ABCA12: variants seen among roughly 807,000 people sequenced by gnomAD.
The protein encoded by ABCA12 is glucosylceramide transporter ABCA12.
Under a neutral mutation model 293.5 loss-of-function variants are expected in ABCA12, and 156 were observed. The observed-to-expected ratio is 0.53, with a 90% CI of 0.47 to 0.61. The LOEUF (loss-of-function observed/expected upper bound fraction) is 0.61, where lower values mean the gene tolerates loss of function less well. ABCA12 is among the 20% of genes least tolerant of loss of function. ABCA12 has a pLI of 0.00. For missense variants in ABCA12, 2,797 were observed against 3,090.2 expected (o/e 0.91, Z 2.25); for synonymous variants, 1,063 against 1,108.0 (o/e 0.96, Z 0.81).
rs141750072 is a variant in ABCA12, at chr2:215,010,222, A to G, written c.2472+109T>C. On this transcript the variant is annotated intron_variant, in intron 18 of 52. Transcript: ENST00000272895. ...TTTCAGAAAGCCAAGGATAATAATA[A>G]TAGTAGGTAAGATAGAAAGAAATCA... is the stretch of plus-strand genomic sequence containing the variant. 8.0e-4 allele frequency: 1,062 copies of G among 1,330,716 alleles called. 5 individuals carry two copies. The African/African-American group carries it at 0.013, about 17-fold the overall frequency. The allele number at this position is 1,330,716 out of a possible 1,614,324, so 82.4% of individuals were successfully genotyped here.
intron 21 of ABCA12, 110 bp downstream of exon 21, chr2:215,001,448 C>T (rs1458228895): frequency 3.0e-6 from 4 of 1,351,932 alleles, no homozygotes; most frequent in Admixed American, 1.7e-5. Flanking sequence ...CATCAGAGGA[C>T]CTAAGGACCC....
intron 7 of ABCA12, among the ~76,000 whole-genome samples, chr2:215,039,588 T>G (rs1701056060): frequency 6.6e-6 from 1 of 152,144 alleles, no homozygotes; most frequent in South Asian, 2.1e-4. Context: ...ACACCGTCTC[T>G]ACTAAAAATA....
chr2:215,111,764 G>T, intron 1 of ABCA12, 74 bp from the exon 2 acceptor site: 1 of 1,041,618 alleles, frequency 9.6e-7, no homozygotes, highest in Non-Finnish European at 1.5e-6. Context: ...ACTACAAAAA[G>T]TATGTCATAC....
intron 1 of ABCA12, among the ~76,000 whole-genome samples, chr2:215,115,691 A>G (rs1409434815): frequency 3.9e-5 from 6 of 152,026 alleles, no homozygotes; most frequent in Non-Finnish European, 8.8e-5. Flanking sequence ...TTTCTCCAGG[A>G]TTTATTTTCT....
chr2:214,972,376 A>G (rs1386958816), intron 36 of ABCA12, among the ~76,000 whole-genome samples: 1 of 152,136 alleles, frequency 6.6e-6, no homozygotes, highest in Admixed American at 6.6e-5. Flanking sequence ...AATTGGTTGG[A>G]AAAAATTGAA....
chr2:215,078,189 T>C (rs1009997984), intron 2 of ABCA12, among the ~76,000 whole-genome samples: 2 of 152,204 alleles, frequency 1.3e-5, no homozygotes, highest in Non-Finnish European at 2.9e-5. Context: ...TAATAGTAAA[T>C]GATACCGCTT....
rs187548334 is a variant in ABCA12 at position 215,000,572 on chromosome 2, T to C, written c.3179+133A>G. 81 of 997,822 alleles carry C rather than the reference T, an allele frequency of 8.1e-5. No homozygotes were observed. In the African/African-American group the frequency reaches 1.2e-3, roughly 15 times the overall value. The allele number at this position is 997,822 out of a possible 1,614,324, so 61.8% of individuals were successfully genotyped here. ...AGCTATGCCCTATAGTGTGAACTCT[T>C]TCTCAAAACAAGCATATTACAAAAG... On this transcript the variant is annotated intron_variant, in intron 22 of 52. Coordinates refer to ENST00000272895, the MANE Select transcript of ABCA12 (RefSeq NM_173076.3).
Position 215,007,632 on chromosome 2 carries a change from G to A in ABCA12, c.2592+95C>T, listed in dbSNP as rs886667588. 12 of 1,490,262 alleles carry A rather than the reference G, an allele frequency of 8.1e-6. No individual in the cohort carries two copies. In the African/African-American group the frequency reaches 8.3e-5, roughly 10 times the overall value. The allele number at this position is 1,490,262 out of a possible 1,614,324, so 92.3% of individuals were successfully genotyped here. On this transcript the variant is annotated intron_variant, in intron 19 of 52. Transcript: ENST00000272895. ...AGAGGCAATTTAATCTGTTGAATAC[G>A]GAAAGTTACCCCCTTCCCGTTCACA...
intron 3 of ABCA12, among the ~76,000 whole-genome samples, chr2:215,057,776 A>G (rs1051747479): frequency 2.6e-5 from 4 of 152,044 alleles, no homozygotes; most frequent in African/African-American, 9.7e-5. Flanking sequence ...ACTTACCACT[A>G]AAGCAACTTT....
chr2:215,070,278 A>G (rs1315984556), intron 2 of ABCA12, among the ~76,000 whole-genome samples: 1 of 152,190 alleles, frequency 6.6e-6, no homozygotes, highest in Non-Finnish European at 1.5e-5. Context: ...TCCATTCGCC[A>G]TCTATTCAAT....
chr2:214,969,771 T>G (rs1699345433), intron 37 of ABCA12, among the ~76,000 whole-genome samples: 1 of 152,024 alleles, frequency 6.6e-6, no homozygotes, highest in Non-Finnish European at 1.5e-5. Flanking sequence ...AGGGAAGAGA[T>G]GGAGGAAAGA....
At position 215,049,609 on chromosome 2, in the gene ABCA12, C is replaced by T. The variant is rs201796548; in HGVS notation, c.693+17G>A. The T allele has an allele frequency of 4.5e-5, 73 of 1,609,348 alleles. No homozygotes were observed. Among genetic ancestry groups the T allele is most frequent in the Non-Finnish European group, 5.9e-5 (70 of 1,176,816 alleles). On this transcript the variant is annotated intron_variant, in intron 6 of 52. Transcript: ENST00000272895. Reference sequence around the variant, plus strand: ...ATTCATGTTGAGTCACTTTGTGGATCAAAGATCTACACTCACCTGGGAGAA... The same window carrying T: ...ATTCATGTTGAGTCACTTTGTGGATTAAAGATCTACACTCACCTGGGAGAA...
chr2:215,093,855 A>T (rs1702198116), intron 2 of ABCA12, among the ~76,000 whole-genome samples: 1 of 152,076 alleles, frequency 6.6e-6, no homozygotes, highest in African/African-American at 2.4e-5. Flanking sequence ...CCTGACCCCC[A>T]TGACTGTATC....
chr2:215,089,299 G>A lies in ABCA12; in HGVS notation c.163+22298C>T, dbSNP rs530576137. ...GATTCATATTCCTTTTCCTAAGAATGGGGAACAAAACCACGTCAAAAGGAA... is the reference window on the plus strand; with the variant it reads ...GATTCATATTCCTTTTCCTAAGAATAGGGAACAAAACCACGTCAAAAGGAA... On this transcript the variant is annotated intron_variant, in intron 2 of 52. Transcript: ENST00000272895. Among the ~76,000 whole-genome samples, 444 of 151,556 alleles carry A rather than the reference G, an allele frequency of 2.9e-3. 2 individuals are homozygous for A. Among genetic ancestry groups the A allele is most frequent in the African/African-American group, 0.01 (423 of 41,354 alleles).
chr2:215,030,589 G>A lies in ABCA12; in HGVS notation c.1061+1232C>T, dbSNP rs1284549999. Among the ~76,000 whole-genome samples the A allele has an allele frequency of 2.3e-5, 3 of 133,254 alleles. No individual in the cohort carries two copies. In the East Asian group the frequency reaches 6.5e-4, roughly 29 times the overall value. The allele number at this position is 133,254 out of a possible 152,430, so 87.4% of individuals were successfully genotyped here. A position where few individuals can be genotyped will look rare whatever the true frequency, so the allele number is the denominator to read the frequency against. On this transcript the variant is annotated intron_variant, in intron 9 of 52. Transcript: ENST00000272895. Reference sequence around the variant, plus strand: ...ACTGCACTCCAGCCTGGGCGACAGAGCCAGACTCCATCTCAAAAAAAAAAA... The same window carrying A: ...ACTGCACTCCAGCCTGGGCGACAGAACCAGACTCCATCTCAAAAAAAAAAA...
chr2:215,035,605 C>T (rs937391051), intron 8 of ABCA12, among the ~76,000 whole-genome samples: 13 of 141,208 alleles, frequency 9.2e-5, no homozygotes, highest in African/African-American at 3.2e-4. Flanking sequence ...GCGGAGGTTA[C>T]GGTGAGCCGA....
At position 215,010,367 on chromosome 2, in the gene ABCA12, T is replaced by C. The variant is rs1700344908; in HGVS notation, c.2436A>G (p.Ala812=). The C allele has an allele frequency of 1.1e-5, 17 of 1,613,716 alleles. No homozygotes were observed. Among genetic ancestry groups the C allele is most frequent in the Non-Finnish European group, 1.4e-5 (16 of 1,179,786 alleles). The change falls in exon 18 of 53, where the codon GCA becomes GCG. Residue 812 remains alanine (A), a synonymous_variant. Coordinates refer to ENST00000272895, the MANE Select transcript of ABCA12 (RefSeq NM_173076.3). ...TTGCCTTTGTGACTGGGTTATATGG[T>C]GCATACAAAATTCTTCCCAACAACA... ...KPMLLGRILY[A]PYNPVTKAIM... is the part of the protein sequence containing the mutation.
intron 2 of ABCA12, among the ~76,000 whole-genome samples, chr2:215,097,391 T>A (rs899122318): frequency 2.9e-4 from 44 of 152,178 alleles, no homozygotes; most frequent in African/African-American, 1.0e-3. Flanking sequence ...CTTGATTATG[T>A]AATAGATTGC....
intron 48 of ABCA12, 78 bp from the exon 49 acceptor site, chr2:214,945,182 C>T (rs559068770): frequency 6.7e-5 from 77 of 1,141,434 alleles, no homozygotes; most frequent in Admixed American, 2.0e-4. Context: ...TACTGCATTT[C>T]ACTTCCCTAG....
Sources: gnomAD v4.1 joint callset for allele counts (sites outside exome capture counted in the v4.1 genomes callset) on GRCh38, gnomAD v4.1.1 for gene constraint, MANE v1.5 for transcripts, NCBI Gene and HGNC (gene_info 2026-07-23, HGNC 2026-07-21) for gene names.